Variants in GABRG1 observed in about 807,000 individuals in gnomAD.
GABRG1 encodes the protein gamma-aminobutyric acid type A receptor subunit gamma1, also known as gamma-aminobutyric acid receptor subunit gamma-1.
A neutral mutation model predicts 49.8 loss-of-function variants in GABRG1; 49 were observed. The observed-to-expected ratio is 0.98, with a 90% CI of 0.78 to 1.25. The LOEUF (loss-of-function observed/expected upper bound fraction) is 1.25, where lower values mean the gene tolerates loss of function less well. GABRG1 is among the 50% of genes most tolerant of loss of function. The pLI is 0.00. For missense variants in GABRG1, 552 were observed against 552.3 expected, an observed-to-expected ratio of 1.00 and a Z score of 0.01; for synonymous variants, 232 against 185.1, an observed-to-expected ratio of 1.25 and a Z score of -2.06.
At chr4:46,077,556 C>T (rs1489556412) in intron 3 of GABRG1, among the ~76,000 whole-genome samples, 1 of 151,740 alleles carries the variant, frequency 6.6e-6, no homozygotes, top group Non-Finnish European at 1.5e-5. Context: ...TGAAGAACAT[C>T]TTTAGAAGAA....
chr4:46,070,925 A>T (rs1182149254), intron 3 of GABRG1, among the ~76,000 whole-genome samples: 2 of 152,106 alleles, frequency 1.3e-5, no homozygotes, highest in East Asian at 3.9e-4. Context: ...CATCTAAATA[A>T]TACCTTCACA....
At chr4:46,067,475 C>T (rs1398083825) in intron 3 of GABRG1, among the ~76,000 whole-genome samples, 3 of 152,054 alleles carry the variant, frequency 2.0e-5, no homozygotes, top group African/African-American at 7.2e-5. Flanking sequence ...ATATATTTAA[C>T]ATCTATATTA....
At chr4:46,110,736 T>C (rs1184714805) in intron 1 of GABRG1, among the ~76,000 whole-genome samples, 1 of 150,820 alleles carries the variant, frequency 6.6e-6, no homozygotes, top group Non-Finnish European at 1.5e-5. Context: ...CATATGAGCA[T>C]AATTAAAAAA....
At chr4:46,100,664 T>C (rs187881789) in intron 1 of GABRG1, among the ~76,000 whole-genome samples, 23 of 147,444 alleles carry the variant, frequency 1.6e-4, no homozygotes, top group Middle Eastern at 3.6e-3. Flanking sequence ...ATAAACAGTT[T>C]ATCTTTCCTT....
At chr4:46,090,571 A>C (rs944722724) in intron 2 of GABRG1, among the ~76,000 whole-genome samples, 1 of 152,036 alleles carries the variant, frequency 6.6e-6, no homozygotes, top group African/African-American at 2.4e-5. Flanking sequence ...ATAGTAAAGT[A>C]TAAGGAGTAA....
At chr4:46,076,488 G>T (rs7356454) in intron 3 of GABRG1, among the ~76,000 whole-genome samples, 84,053 of 147,542 alleles carry the variant, frequency 0.57, 24,372 homozygotes, top group African/African-American at 0.64. Context: ...TAAATAAATG[G>T]GTAAATAAAG....
At chr4:46,112,958 G>T (rs1365369717) in intron 1 of GABRG1, among the ~76,000 whole-genome samples, 2 of 150,476 alleles carry the variant, frequency 1.3e-5, no homozygotes, top group South Asian at 2.1e-4. Flanking sequence ...ATAGCTACAC[G>T]GCTACAAGTA....
chr4:46,099,916 G>T (rs1012441285), intron 1 of GABRG1, among the ~76,000 whole-genome samples: 1 of 151,608 alleles, frequency 6.6e-6, no homozygotes, highest in Admixed American at 6.6e-5. Context: ...TCTGATACCC[G>T]CAGTATGCAA....
At chr4:46,059,695 G>A (rs1211964849) in intron 5 of GABRG1, among the ~76,000 whole-genome samples, 6 of 152,074 alleles carry the variant, frequency 3.9e-5, no homozygotes, top group Admixed American at 2.0e-4. Flanking sequence ...TTACAGGCAT[G>A]AGCCACCACG....
chr4:46,070,798 C>T (rs1325847324), intron 3 of GABRG1, among the ~76,000 whole-genome samples: 2 of 152,086 alleles, frequency 1.3e-5, no homozygotes, highest in African/African-American at 2.4e-5. Context: ...GCCTGAGTCT[C>T]TTCTTCCTAG....
intron 2 of GABRG1, among the ~76,000 whole-genome samples, chr4:46,095,608 A>C (rs1218580219): frequency 2.0e-5 from 3 of 151,836 alleles, no homozygotes; most frequent in African/African-American, 7.2e-5. Context: ...TAACACACAA[A>C]GCAAGTTACC....
intron 1 of GABRG1, among the ~76,000 whole-genome samples, chr4:46,119,818 C>T (rs527259808): frequency 6.6e-6 from 1 of 151,580 alleles, no homozygotes; most frequent in African/African-American, 2.4e-5. Flanking sequence ...TAAGCATAAG[C>T]TGCATTTAAA....
At chr4:46,110,186 T>C (rs1034228329) in intron 1 of GABRG1, among the ~76,000 whole-genome samples, 1 of 151,140 alleles carries the variant, frequency 6.6e-6, no homozygotes, top group Admixed American at 6.6e-5. Flanking sequence ...TCTTTAAATG[T>C]AGGTGCTCCA....
intron 7 of GABRG1, among the ~76,000 whole-genome samples, chr4:46,052,231 A>T (rs967866911): frequency 9.3e-5 from 14 of 150,646 alleles, no homozygotes; most frequent in Admixed American, 4.7e-4. Context: ...CTTGAAATAA[A>T]AAAAAAAAAG....
chr4:46,097,286 G>C lies in GABRG1; in HGVS notation c.168C>G (p.Ala56=). The change falls in exon 2 of 9, where the codon GCC becomes GCG. Residue 56 remains alanine (A), a synonymous_variant. Transcript: ENST00000295452. ...DLTVNKTWVL[A]PKIHEGDITQ... ...TGATATCTCCTTCATGAATTTTTGGGGCCAAGACCCAGGTTTTGTTCACCG... is the reference window on the plus strand; with the variant it reads ...TGATATCTCCTTCATGAATTTTTGGCGCCAAGACCCAGGTTTTGTTCACCG... The C allele has an allele frequency of 1.2e-6, 2 of 1,610,730 alleles. No individual in the cohort carries two copies. The highest frequency in any genetic ancestry group is 1.7e-6 in the Non-Finnish European group (2 of 1,178,010).
chr4:46,109,108 G>T (rs1472254792), intron 1 of GABRG1, among the ~76,000 whole-genome samples: 1 of 150,782 alleles, frequency 6.6e-6, no homozygotes, highest in African/African-American at 2.4e-5. Flanking sequence ...GGTTTTCTTT[G>T]TATGCCTAGT....
intron 3 of GABRG1, among the ~76,000 whole-genome samples, chr4:46,069,777 G>A (rs1302233652): frequency 6.6e-6 from 1 of 151,998 alleles, no homozygotes; most frequent in African/African-American, 2.4e-5. Context: ...GACGAAAATG[G>A]AACCTTCTTG....
chr4:46,043,524 T>A (rs1447821364), intron 8 of GABRG1, among the ~76,000 whole-genome samples: 1 of 151,998 alleles, frequency 6.6e-6, no homozygotes, highest in Non-Finnish European at 1.5e-5. Context: ...AACACAGATT[T>A]CTGACCTTTA....
chr4:46,114,795 AC>A (rs989750315), intron 1 of GABRG1, among the ~76,000 whole-genome samples: 2 of 151,070 alleles, frequency 1.3e-5, no homozygotes, highest in African/African-American at 4.8e-5. Flanking sequence ...AATTTAAAAA[AC>A]ATACTAACTT....
Sources: gnomAD v4.1 joint callset for allele counts (sites outside exome capture counted in the v4.1 genomes callset) on GRCh38, gnomAD v4.1.1 for gene constraint, MANE v1.5 for transcripts, NCBI Gene and HGNC (gene_info 2026-07-23, HGNC 2026-07-21) for gene names.